Variants in HNF1A observed in about 807,000 individuals in gnomAD.
HNF1A encodes the protein hepatocyte nuclear factor 1-alpha.
In HNF1A, 21 loss-of-function variants were observed where a neutral mutation model predicts 62.2. The ratio of observed to expected loss-of-function variants is 0.34; its 90% CI spans 0.24 to 0.49. HNF1A has a LOEUF of 0.49. HNF1A is among the 20% of genes least tolerant of loss of function. The pLI is 0.99. For synonymous variants in HNF1A, 374 were observed against 366.8 expected (o/e 1.02, Z -0.22); for missense variants, 687 against 832.3 (o/e 0.83, Z 2.15).
chr12:120,988,737 C>T (rs866987734), intron 1 of HNF1A, 96 bp from the exon 2 acceptor site: 4 of 1,116,744 alleles, frequency 3.6e-6, no homozygotes, highest in South Asian at 2.6e-5. Context: ...AGTCCCCACC[C>T]TCAGGGTTGA....
rs760446365 is a variant in HNF1A, at chr12:120,996,790, C to T, written c.1309+48C>T. 1.1e-5 allele frequency: 18 copies of T among 1,604,942 alleles called. No homozygotes were observed. The highest frequency in any genetic ancestry group is 1.5e-5 in the Non-Finnish European group (18 of 1,176,014). ...GCACCTGGGTGGGAGGCTCATGGGG[C>T]AACCGCAGAATCCAGGAGCTGGAAG... On this transcript the variant is annotated intron_variant, in intron 6 of 9. Coordinates refer to ENST00000257555, the MANE Select transcript of HNF1A (RefSeq NM_000545.8). This position sits in a 1 kb window ranked among gnomAD's most constrained non-coding sequence, Gnocchi z 4.5.
chr12:120,985,541 A>G (rs1027800422), intron 1 of HNF1A, among the ~76,000 whole-genome samples: 1 of 150,926 alleles, frequency 6.6e-6, no homozygotes, highest in Non-Finnish European at 1.5e-5. Context: ...GCATGTTGGC[A>G]TGTGCCTGTG....
rs55993715 is a variant in HNF1A at position 120,990,299 on chromosome 12, G to A, written c.526+1267G>A. Among the ~76,000 whole-genome samples the A allele has an allele frequency of 7.7e-3, 1,171 of 152,078 alleles. 18 individuals are homozygous for A. The highest frequency in any genetic ancestry group is 0.027 in the African/African-American group (1,105 of 41,464). ...TGGGACTACAGGTGCCCGCCACCAC[G>A]CCCAGCTAATTTTTTGTATTTTTAG... On this transcript the variant is annotated intron_variant, in intron 2 of 9. Transcript: ENST00000257555.
At chr12:120,999,721 G>C (rs1369807738) in intron 9 of HNF1A, 94 bp downstream of exon 9, 2 of 1,467,576 alleles carry the variant, frequency 1.4e-6, no homozygotes, top group Non-Finnish European at 9.1e-7. Flanking sequence ...CTGTGGGGCT[G>C]TGCATGCAGC....
At chr12:120,991,003 T>C (rs1206075156) in intron 2 of HNF1A, among the ~76,000 whole-genome samples, 1 of 152,246 alleles carries the variant, frequency 6.6e-6, no homozygotes, top group Non-Finnish European at 1.5e-5. Flanking sequence ...ACTGAGAGAT[T>C]GATGGATCTC....
At chr12:120,998,896 T>C (rs907999094) in intron 7 of HNF1A, among the ~76,000 whole-genome samples, 4 of 152,198 alleles carry the variant, frequency 2.6e-5, no homozygotes, top group Non-Finnish European at 4.4e-5. Context: ...GCTTAGTACA[T>C]AGCGCCTGCA....
chr12:120,996,948 G>A lies in HNF1A; in HGVS notation c.1309+206G>A, dbSNP rs1877139001. ...AAAATCTCAGCAACTCAAGCAGGGAGGCAGGCACTAAGCATAATACATCAA... is the reference window on the plus strand; with the variant it reads ...AAAATCTCAGCAACTCAAGCAGGGAAGCAGGCACTAAGCATAATACATCAA... On this transcript the variant is annotated intron_variant, in intron 6 of 9. Transcript: ENST00000257555. This position sits in a 1 kb window ranked among gnomAD's most constrained non-coding sequence, Gnocchi z 4.5. 1 of 1,494,658 alleles carries A rather than the reference G, an allele frequency of 6.7e-7. No individual in the cohort carries two copies. The highest frequency in any genetic ancestry group is 9.1e-7 in the Non-Finnish European group (1 of 1,098,196). The allele number at this position is 1,494,658 out of a possible 1,614,324, so 92.6% of individuals were successfully genotyped here.
intron 2 of HNF1A, among the ~76,000 whole-genome samples, chr12:120,990,181 G>A (rs547696354): frequency 2.6e-4 from 39 of 151,840 alleles, no homozygotes; most frequent in African/African-American, 8.2e-4. Flanking sequence ...TCACTCTGTT[G>A]CCCAGGCTGG....
At chr12:120,981,767 G>A (rs1876260108) in intron 1 of HNF1A, among the ~76,000 whole-genome samples, 1 of 152,182 alleles carries the variant, frequency 6.6e-6, no homozygotes, top group Non-Finnish European at 1.5e-5. Context: ...CAAGACTTGT[G>A]ATCATCTGAT....
chr12:120,982,346 A>G (rs1876294674), intron 1 of HNF1A, among the ~76,000 whole-genome samples: 1 of 152,148 alleles, frequency 6.6e-6, no homozygotes, highest in South Asian at 2.1e-4. Context: ...CTGGGATTAC[A>G]GGCACTCAGA....
intron 1 of HNF1A, among the ~76,000 whole-genome samples, chr12:120,983,086 C>T (rs1876332156): frequency 6.6e-6 from 1 of 152,166 alleles, no homozygotes; most frequent in South Asian, 2.1e-4. Flanking sequence ...AGATGAATAC[C>T]ACAACCTTGC....
At chr12:120,997,862 G>T in intron 7 of HNF1A, 197 bp downstream of exon 7, 1 of 723,694 alleles carries the variant, frequency 1.4e-6, no homozygotes, top group South Asian at 1.5e-5. Flanking sequence ...ACGACTGCTT[G>T]TGTGAGCAGA....
chr12:120,991,331 T>G (rs1876824716), intron 2 of HNF1A, among the ~76,000 whole-genome samples: 1 of 152,172 alleles, frequency 6.6e-6, no homozygotes, highest in Admixed American at 6.5e-5. Context: ...CAGTGGCTCA[T>G]GCCTGTAATC....
chr12:120,990,955 C>A (rs1876805678), intron 2 of HNF1A, among the ~76,000 whole-genome samples: 1 of 152,022 alleles, frequency 6.6e-6, no homozygotes, highest in South Asian at 2.1e-4. Context: ...TGTGTTTTGT[C>A]TCTTGGCAAT....
Position 120,978,685 on chromosome 12 carries a change from G to T in HNF1A, c.-84G>T. The T allele has an allele frequency of 7.6e-7, 1 of 1,324,194 alleles. No homozygotes were observed. Among genetic ancestry groups the T allele is most frequent in the Non-Finnish European group, 1.1e-6 (1 of 923,338 alleles). 82.0% of individuals were successfully genotyped at this position (1,324,194 alleles called of 1,614,324 possible). On this transcript the variant is annotated 5_prime_UTR_variant, in exon 1 of 10. Transcript: ENST00000257555. ...CAAGGAGTTTGGTTTGTGTCTGCCG[G>T]CCGGCAGGCAAACGCAACCCACGCG...
intron 1 of HNF1A, among the ~76,000 whole-genome samples, chr12:120,982,799 C>T (rs150585349): frequency 0.011 from 1,689 of 152,268 alleles, 11 homozygotes; most frequent in Non-Finnish European, 0.015. Context: ...TCCTACCTCA[C>T]GCTCCATACA....
chr12:121,002,509 G>C lies in HNF1A; in HGVS notation c.*1317G>C. On this transcript the variant is annotated 3_prime_UTR_variant, in exon 10 of 10. Transcript: ENST00000257555. ...AGTAAAGTCAAGGAGAAATGCGGTG[G>C]AAACTTCTTGCTTGTCCACAAATCA... 1 of 508,372 alleles carries C rather than the reference G, an allele frequency of 2.0e-6. No individual in the cohort carries two copies. The highest frequency in any genetic ancestry group is 3.9e-6 in the Non-Finnish European group (1 of 258,872). 31.5% of individuals were successfully genotyped at this position (508,372 alleles called of 1,614,324 possible). A position where few individuals can be genotyped will look rare whatever the true frequency, so the allele number is the denominator to read the frequency against.
intron 1 of HNF1A, among the ~76,000 whole-genome samples, chr12:120,979,996 G>T (rs932166732): frequency 6.6e-6 from 1 of 152,094 alleles, no homozygotes; most frequent in African/African-American, 2.4e-5. Flanking sequence ...TGGCCTGGGG[G>T]CTACAGGGGC....
At chr12:120,997,120 C>T (rs1565886970) in intron 6 of HNF1A, 1 of 1,400,840 alleles carries the variant, frequency 7.1e-7, no homozygotes, top group Non-Finnish European at 9.3e-7. Flanking sequence ...AAGCCCAGTA[C>T]ATAAGATAGA....
Sources: allele counts gnomAD v4.1 joint callset (sites outside exome capture counted in the v4.1 genomes callset), GRCh38; gene constraint gnomAD v4.1.1; non-coding constraint Gnocchi (gnomAD v3.1); transcripts MANE v1.5; gene names NCBI Gene and HGNC (gene_info 2026-07-23, HGNC 2026-07-21).